CADPS2: variants seen among roughly 807,000 people sequenced by gnomAD.
CADPS2 encodes the protein calcium-dependent secretion activator 2.
Under a neutral mutation model 172.5 loss-of-function variants are expected in CADPS2, and 93 were observed. The ratio of observed to expected loss-of-function variants is 0.54; its 90% CI spans 0.46 to 0.64. CADPS2 has a LOEUF of 0.64. CADPS2 is among the 30% of genes least tolerant of loss of function. CADPS2 has a pLI of 0.00. For synonymous variants in CADPS2, 546 were observed against 555.2 expected, an observed-to-expected ratio of 0.98 and a Z score of 0.23; for missense variants, 1,420 against 1,565.9, an observed-to-expected ratio of 0.91 and a Z score of 1.57.
intron 7 of CADPS2, among the ~76,000 whole-genome samples, chr7:122,576,446 G>C (rs2132689319): frequency 6.6e-6 from 1 of 152,216 alleles, no homozygotes; most frequent in African/African-American, 2.4e-5. Flanking sequence ...AATTTCATCT[G>C]TCTCAGTCTC....
chr7:122,827,000 G>A (rs1225994638), intron 1 of CADPS2, among the ~76,000 whole-genome samples: 2 of 152,018 alleles, frequency 1.3e-5, no homozygotes, highest in East Asian at 3.9e-4. Flanking sequence ...CTGGATCTTG[G>A]GGAGAAAAAC....
intron 25 of CADPS2, chr7:122,366,698 T>TATAC (rs1182511309): frequency 4.1e-5 from 6 of 147,382 alleles, no homozygotes; most frequent in Non-Finnish European, 7.5e-5. Context: ...TATATATATA[T>TATAC]ACGTATACAT....
At chr7:122,565,037 T>C (rs1308918324) in intron 7 of CADPS2, among the ~76,000 whole-genome samples, 3 of 151,680 alleles carry the variant, frequency 2.0e-5, no homozygotes, top group Non-Finnish European at 2.9e-5. Flanking sequence ...CATAGATATA[T>C]GGAGAGGAAG....
chr7:122,387,049 A>G lies in CADPS2; in HGVS notation c.3289T>C (p.Cys1097Arg), dbSNP rs1441794930. The G allele has an allele frequency of 3.8e-6, 6 of 1,559,012 alleles. No homozygotes were observed. Among genetic ancestry groups the G allele is most frequent in the Admixed American group, 3.8e-5 (2 of 52,068 alleles). Reference sequence around the variant, plus strand: ...ACCTCTTGTCCTCCATCCAGGGCACAGAGTTTGGTGCTTTGCTTTTTGGCA... The same window carrying G: ...ACCTCTTGTCCTCCATCCAGGGCACGGAGTTTGGTGCTTTGCTTTTTGGCA... ...VDAKKQSTKL[C>R]ALDGGQEQQY... Residue 1097 changes from cysteine to arginine, a missense_variant, in exon 24 of 30, where the codon TGT (cysteine) becomes CGT (arginine). Coordinates refer to ENST00000449022, the MANE Select transcript of CADPS2 (RefSeq NM_017954.11).
chr7:122,560,765 A>C (rs910120466), intron 7 of CADPS2, among the ~76,000 whole-genome samples: 59 of 152,278 alleles, frequency 3.9e-4, no homozygotes, highest in African/African-American at 1.4e-3. Flanking sequence ...GAGATTTTAT[A>C]CTTTAGCAAA....
intron 2 of CADPS2, among the ~76,000 whole-genome samples, chr7:122,679,609 G>A (rs1161077799): frequency 1.3e-5 from 2 of 151,898 alleles, no homozygotes; most frequent in African/African-American, 2.4e-5. Context: ...CACCCTATTC[G>A]TATACTCCCT....
At chr7:122,654,867 T>C (rs2079558265) in intron 3 of CADPS2, among the ~76,000 whole-genome samples, 1 of 152,348 alleles carries the variant, frequency 6.6e-6, no homozygotes, top group East Asian at 1.9e-4. Context: ...ATCACCATTC[T>C]AGATGCCATT....
At chr7:122,679,697 T>A (rs922638402) in intron 2 of CADPS2, among the ~76,000 whole-genome samples, 1 of 152,066 alleles carries the variant, frequency 6.6e-6, no homozygotes, top group African/African-American at 2.4e-5. Flanking sequence ...ACATATTATG[T>A]CTCCCCTGGA....
chr7:122,485,848 T>TG (rs1222301978), intron 11 of CADPS2, among the ~76,000 whole-genome samples: 1 of 152,200 alleles, frequency 6.6e-6, no homozygotes, highest in East Asian at 1.9e-4. Context: ...GCTGGTGACT[T>TG]TAAGTTGAAG....
Position 122,798,232 on chromosome 7 carries a change from G to A in CADPS2, c.340-61164C>T, listed in dbSNP as rs1031555306. The stretch of plus-strand genomic sequence containing the variant: ...CAAGAGAGGAAAAGGTGCTGTGATC[G>A]TCCCTAAACACATCCTCCTCCTTGA... On this transcript the variant is annotated intron_variant, in intron 1 of 29. Coordinates refer to ENST00000449022, the MANE Select transcript of CADPS2 (RefSeq NM_017954.11). 9.9e-5 allele frequency among the ~76,000 whole-genome samples: 15 copies of A among 152,150 alleles called. No homozygotes were observed. In the South Asian group the frequency reaches 1.0e-3, roughly 11 times the overall value.
At chr7:122,472,270 T>C (rs900228587) in intron 13 of CADPS2, among the ~76,000 whole-genome samples, 3 of 151,412 alleles carry the variant, frequency 2.0e-5, no homozygotes, top group Non-Finnish European at 2.9e-5. Context: ...GAAGGGAGTA[T>C]AGAGAGTTTT....
intron 6 of CADPS2, 54 bp from the exon 7 acceptor site, chr7:122,581,344 A>G (rs979588126): frequency 2.1e-6 from 3 of 1,400,242 alleles, no homozygotes. Context: ...TTTTTTCCCC[A>G]AGGAGATGTG....
Position 122,490,140 on chromosome 7 carries a change from G to T in CADPS2, c.1793C>A (p.Ala598Glu). Residue 598 changes from alanine (A) to glutamate (E), a missense_variant, in exon 11 of 30, where the codon GCA becomes GAA. Transcript: ENST00000449022. ...ATGQSYKPVPAIQTQKLNPKG... is the reference protein window; with the variant it reads ...ATGQSYKPVPEIQTQKLNPKG... ...AGGATTCAGTTTCTGGGTTTGAATT[G>T]CAGGAACTGGTTTATATGATTGACC... The T allele has an allele frequency of 1.9e-6, 3 of 1,613,472 alleles. No individual in the cohort carries two copies. The highest frequency in any genetic ancestry group is 1.7e-6 in the Non-Finnish European group (2 of 1,179,574).
chr7:122,711,393 T>A (rs1448586801), intron 2 of CADPS2, among the ~76,000 whole-genome samples: 1 of 152,170 alleles, frequency 6.6e-6, no homozygotes, highest in East Asian at 1.9e-4. Flanking sequence ...TATCAGGTCA[T>A]GAGCCCCAAA....
intron 8 of CADPS2, among the ~76,000 whole-genome samples, chr7:122,522,268 C>A (rs558082132): frequency 2.6e-5 from 4 of 151,956 alleles, no homozygotes; most frequent in Admixed American, 6.6e-5. Flanking sequence ...AGGCATGTCA[C>A]CATACCCAGC....
chr7:122,570,134 C>A (rs1457645614), intron 7 of CADPS2, among the ~76,000 whole-genome samples: 6 of 148,620 alleles, frequency 4.0e-5, no homozygotes, highest in Non-Finnish European at 1.5e-5. Flanking sequence ...ACCTACTCAT[C>A]TGACGAAGGG....
chr7:122,320,400 T>A, intron 29 of CADPS2, 62 bp from the exon 30 acceptor site: 1 of 1,288,012 alleles, frequency 7.8e-7, no homozygotes, highest in Non-Finnish European at 1.0e-6. Flanking sequence ...CATAGATATA[T>A]ACTCAGTTGG....
chr7:122,419,923 T>G lies in CADPS2; in HGVS notation c.2477-3759A>C, dbSNP rs114434875. On this transcript the variant is annotated intron_variant, in intron 17 of 29. Coordinates refer to ENST00000449022, the MANE Select transcript of CADPS2 (RefSeq NM_017954.11). Reference sequence around the variant, plus strand: ...CACAATATTGTTTCAGTTTAGAATATTTAACTTATTTTAAATCACTGAAGT... The same window carrying G: ...CACAATATTGTTTCAGTTTAGAATAGTTAACTTATTTTAAATCACTGAAGT... Among the ~76,000 whole-genome samples the G allele has an allele frequency of 4.9e-3, 740 of 152,300 alleles. 7 individuals carry two copies. The highest frequency in any genetic ancestry group is 0.017 in the African/African-American group (707 of 41,560).
intron 2 of CADPS2, among the ~76,000 whole-genome samples, chr7:122,720,575 TAC>T (rs2090258965): frequency 6.6e-6 from 1 of 150,538 alleles, no homozygotes; most frequent in Non-Finnish European, 1.5e-5. Context: ...TGTATATACA[TAC>T]ACATGTATAT....
Sources: allele counts gnomAD v4.1 joint callset (sites outside exome capture counted in the v4.1 genomes callset), GRCh38; gene constraint gnomAD v4.1.1; transcripts MANE v1.5; gene names NCBI Gene and HGNC (gene_info 2026-07-23, HGNC 2026-07-21).